Variants in IDE observed in about 807,000 individuals in gnomAD.
IDE encodes the protein insulin degrading enzyme, also known as insulin-degrading enzyme.
A neutral mutation model predicts 133.2 loss-of-function variants in IDE; 58 were observed. The observed-to-expected ratio is 0.44, with a 90% CI of 0.35 to 0.54. The LOEUF (loss-of-function observed/expected upper bound fraction) is 0.54, where lower values mean the gene tolerates loss of function less well. Ranked by LOEUF, IDE falls within the 20% of genes least tolerant of loss-of-function variation. The pLI, the probability that IDE is intolerant of heterozygous loss-of-function variation, is 0.00. For synonymous variants in IDE, 396 were observed against 421.3 expected, an observed-to-expected ratio of 0.94 and a Z score of 0.73; for missense variants, 981 against 1,234.0, an observed-to-expected ratio of 0.79 and a Z score of 3.07.
chr10:92,468,403 C>T (rs370085390), intron 19 of IDE, among the ~76,000 whole-genome samples: 1 of 152,168 alleles, frequency 6.6e-6, no homozygotes, highest in African/African-American at 2.4e-5. Context: ...ACATTGTAAA[C>T]CCCAATATAT....
intron 13 of IDE, among the ~76,000 whole-genome samples, chr10:92,485,630 C>G (rs1459336925): frequency 6.6e-6 from 1 of 152,066 alleles, no homozygotes; most frequent in Non-Finnish European, 1.5e-5. Flanking sequence ...TTAGTTTGCT[C>G]TGGGAAGGCC....
chr10:92,523,824 C>T (rs971713855), intron 4 of IDE, among the ~76,000 whole-genome samples: 9 of 152,004 alleles, frequency 5.9e-5, no homozygotes, highest in African/African-American at 1.7e-4. Context: ...GTTGTTCCCA[C>T]TCACTCTTTG....
intron 3 of IDE, among the ~76,000 whole-genome samples, chr10:92,533,533 T>C (rs556958124): frequency 6.6e-6 from 1 of 152,222 alleles, no homozygotes; most frequent in East Asian, 1.9e-4. Flanking sequence ...ATCCAAAAAG[T>C]TGCAGAATTA....
chr10:92,491,461 A>C (rs1358056253), intron 11 of IDE, among the ~76,000 whole-genome samples: 2 of 152,102 alleles, frequency 1.3e-5, no homozygotes, highest in African/African-American at 4.8e-5. Flanking sequence ...ACAAATACAC[A>C]GGCCTTCCTG....
intron 1 of IDE, among the ~76,000 whole-genome samples, chr10:92,556,813 A>G (rs1843032726): frequency 6.6e-6 from 1 of 151,738 alleles, no homozygotes; most frequent in Non-Finnish European, 1.5e-5. Context: ...AATCCCAGCT[A>G]CTAGGGAGGC....
chr10:92,497,068 G>C (rs1002389030), intron 11 of IDE, among the ~76,000 whole-genome samples: 3 of 152,196 alleles, frequency 2.0e-5, no homozygotes, highest in Non-Finnish European at 4.4e-5. Flanking sequence ...CAGACATTTA[G>C]ACAAGAAAAC....
intron 11 of IDE, among the ~76,000 whole-genome samples, chr10:92,502,521 T>C (rs1848078636): frequency 6.6e-6 from 1 of 152,226 alleles, no homozygotes; most frequent in Non-Finnish European, 1.5e-5. Flanking sequence ...ATTCAGTTAT[T>C]GGTTCCAGAT....
intron 1 of IDE, among the ~76,000 whole-genome samples, chr10:92,569,462 T>C (rs755072553): frequency 6.6e-6 from 1 of 152,218 alleles, no homozygotes; most frequent in Non-Finnish European, 1.5e-5. Flanking sequence ...ATCTCACTGA[T>C]GTAAGATGTT....
At chr10:92,472,371 G>A (rs562262012) in intron 17 of IDE, among the ~76,000 whole-genome samples, 1 of 152,024 alleles carries the variant, frequency 6.6e-6, no homozygotes, top group Admixed American at 6.6e-5. Context: ...TTAATTGTGT[G>A]GTATTTTTAA....
chr10:92,464,515 C>T (rs755397556), intron 20 of IDE, among the ~76,000 whole-genome samples: 2 of 152,190 alleles, frequency 1.3e-5, no homozygotes, highest in Non-Finnish European at 2.9e-5. Context: ...TCCATGTTAT[C>T]TCATGAGGAC....
At chr10:92,554,606 G>A (rs144649005) in intron 1 of IDE, 4 of 151,032 alleles carry the variant, frequency 2.6e-5, no homozygotes, top group African/African-American at 2.4e-5. Context: ...CCAACACTTT[G>A]AGAGGCCAAG....
At chr10:92,458,742 T>G (rs1282246582) in intron 22 of IDE, among the ~76,000 whole-genome samples, 1 of 151,978 alleles carries the variant, frequency 6.6e-6, no homozygotes, top group African/African-American at 2.4e-5. Context: ...CCTCGTGATC[T>G]GCCCACCTCG....
chr10:92,471,424 T>C (rs977694622), intron 17 of IDE, among the ~76,000 whole-genome samples: 1 of 152,218 alleles, frequency 6.6e-6, no homozygotes, highest in Non-Finnish European at 1.5e-5. Flanking sequence ...ACTTTAAAGA[T>C]AGGAAAATGA....
chr10:92,568,746 A>G (rs1022973428), intron 1 of IDE, among the ~76,000 whole-genome samples: 1 of 151,932 alleles, frequency 6.6e-6, no homozygotes, highest in African/African-American at 2.4e-5. Flanking sequence ...AAGCTGGGAG[A>G]TGGAGGTTGC....
intron 3 of IDE, 147 bp from the exon 4 acceptor site, chr10:92,532,064 T>C: frequency 1.9e-6 from 1 of 525,420 alleles, no homozygotes; most frequent in Non-Finnish European, 3.2e-6. Flanking sequence ...AAAAAAGGAG[T>C]ATAAAATAAG....
At chr10:92,465,245 C>T (rs780647692) in intron 20 of IDE, among the ~76,000 whole-genome samples, 7 of 152,136 alleles carry the variant, frequency 4.6e-5, no homozygotes, top group Non-Finnish European at 1.0e-4. Context: ...AGACTTTTAA[C>T]AGTATCTAAA....
chr10:92,481,531 G>C (rs1328996224), intron 14 of IDE, among the ~76,000 whole-genome samples: 1 of 152,194 alleles, frequency 6.6e-6, no homozygotes, highest in African/African-American at 2.4e-5. Context: ...ATTCAACTGG[G>C]ATACCTAAAT....
chr10:92,559,638 AG>A (rs1310564346), intron 1 of IDE, among the ~76,000 whole-genome samples: 2 of 152,176 alleles, frequency 1.3e-5, no homozygotes, highest in Non-Finnish European at 2.9e-5. Flanking sequence ...TAACTGCCAA[AG>A]GGTATAATGT....
At chr10:92,549,718 CAT>C (rs1842695583) in intron 1 of IDE, among the ~76,000 whole-genome samples, 1 of 151,572 alleles carries the variant, frequency 6.6e-6, no homozygotes, top group African/African-American at 2.4e-5. Context: ...ATATATTATA[CAT>C]ATATATAATA....
Sources: gnomAD v4.1 joint callset for allele counts (sites outside exome capture counted in the v4.1 genomes callset) on GRCh38, gnomAD v4.1.1 for gene constraint, MANE v1.5 for transcripts, NCBI Gene and HGNC (gene_info 2026-07-23, HGNC 2026-07-21) for gene names.